The following ATE1 variants were observed in gnomAD, a reference collection of about 807,000 sequenced individuals.
The protein encoded by ATE1 is arginyl-tRNA--protein transferase 1.
In ATE1, 36 loss-of-function variants were observed where a neutral mutation model predicts 70.5. The observed-to-expected ratio is 0.51, with a 90% CI of 0.39 to 0.67. The LOEUF is 0.67. Ranked by LOEUF, ATE1 falls within the 30% of genes least tolerant of loss-of-function variation. The probability of loss-of-function intolerance (pLI) is 0.00; values close to 1 mark genes in which losing one functional copy is unlikely to be tolerated. For missense variants in ATE1, 593 were observed against 629.5 expected (o/e 0.94, Z 0.62); for synonymous variants, 232 against 219.3 (o/e 1.06, Z -0.51).
chr10:121,844,069 A>C (rs1374713448), intron 8 of ATE1, among the ~76,000 whole-genome samples: 1 of 152,240 alleles, frequency 6.6e-6, no homozygotes, highest in Non-Finnish European at 1.5e-5. Flanking sequence ...AAAGACTTTC[A>C]AAATTCAACA....
At chr10:121,894,001 G>T (rs1476410159) in intron 7 of ATE1, among the ~76,000 whole-genome samples, 1 of 152,114 alleles carries the variant, frequency 6.6e-6, no homozygotes, top group African/African-American at 2.4e-5. Context: ...GCCGGGCGTG[G>T]TGGCACACGC....
intron 5 of ATE1, among the ~76,000 whole-genome samples, chr10:121,906,021 A>G (rs1323917361): frequency 6.6e-6 from 1 of 152,208 alleles, no homozygotes; most frequent in Admixed American, 6.5e-5. Flanking sequence ...GTCCCAGGTG[A>G]TTTAAATAGA....
At chr10:121,755,155 G>A (rs1462870041) in intron 11 of ATE1, among the ~76,000 whole-genome samples, 2 of 152,220 alleles carry the variant, frequency 1.3e-5, no homozygotes, top group African/African-American at 2.4e-5. Context: ...GCTTGTGTAT[G>A]TGTGTATGCA....
chr10:121,840,149 T>C (rs1948576331), intron 9 of ATE1, among the ~76,000 whole-genome samples: 1 of 152,162 alleles, frequency 6.6e-6, no homozygotes, highest in Admixed American at 6.5e-5. Flanking sequence ...CCATTAAAAA[T>C]GTTTTGTGCT....
In ATE1 at chr10:121,884,866, T is replaced by A. The variant is rs553710668; in HGVS notation, c.943-14828A>T. ...CAGACTACAATACACAAGTGTTCCC[T>A]GACTTAGGAGTTGCTTAAAGAAACT... On this transcript the variant is annotated intron_variant, in intron 7 of 11. Coordinates refer to ENST00000224652, the MANE Select transcript of ATE1 (RefSeq NM_001001976.3). 1.8e-4 allele frequency among the ~76,000 whole-genome samples: 28 copies of A among 152,344 alleles called. No homozygotes were observed. In the South Asian group the frequency reaches 3.7e-3, roughly 20 times the overall value.
At chr10:121,829,695 C>T (rs1364297436) in intron 10 of ATE1, among the ~76,000 whole-genome samples, 1 of 147,700 alleles carries the variant, frequency 6.8e-6, no homozygotes, top group Non-Finnish European at 1.5e-5. Context: ...GGCGACAGAG[C>T]GAGACTCTGT....
chr10:121,846,252 G>A (rs1314455566), intron 8 of ATE1, among the ~76,000 whole-genome samples: 2 of 151,984 alleles, frequency 1.3e-5, no homozygotes, highest in Non-Finnish European at 2.9e-5. Flanking sequence ...AAATAAAACA[G>A]TACTGACTTT....
upstream of ATE1, chr10:121,928,137 G>A: frequency 1.6e-6 from 2 of 1,249,360 alleles, no homozygotes; most frequent in Non-Finnish European, 2.0e-6. Context: ...TTGACCGAGG[G>A]CAGCTTTCCA....
rs370888545 is a variant in ATE1 at position 121,774,609 on chromosome 10, C to G, written c.1378+15560G>C. Among the ~76,000 whole-genome samples, 19 of 152,248 alleles carry G rather than the reference C, an allele frequency of 1.2e-4. No individual in the cohort carries two copies. The South Asian group carries it at 2.5e-3, about 20-fold the overall frequency. On this transcript the variant is annotated intron_variant, in intron 11 of 11. Transcript: ENST00000224652. Reference sequence around the variant, plus strand: ...TATTATTACAGAGCTTTACAGAGCACGTTCATTACATTCTTTCTTAAGCAA... The same window carrying G: ...TATTATTACAGAGCTTTACAGAGCAGGTTCATTACATTCTTTCTTAAGCAA...
At chr10:121,828,395 T>C (rs1948108860) in intron 10 of ATE1, among the ~76,000 whole-genome samples, 1 of 152,330 alleles carries the variant, frequency 6.6e-6, no homozygotes, top group African/African-American at 2.4e-5. Context: ...AGAACTCAGC[T>C]AGGTGGGTTT....
intron 11 of ATE1, among the ~76,000 whole-genome samples, chr10:121,754,646 A>G (rs1944719325): frequency 1.3e-5 from 2 of 152,220 alleles, no homozygotes; most frequent in South Asian, 4.1e-4. Flanking sequence ...GTAATAAGTG[A>G]TTGAGGCAAG....
rs546575047 is a variant in ATE1, at chr10:121,856,214, T to C, written c.975+13792A>G. Among the ~76,000 whole-genome samples the C allele has an allele frequency of 2.0e-5, 3 of 152,020 alleles. No homozygotes were observed. In the South Asian group the frequency reaches 6.2e-4, roughly 32 times the overall value. ...AATTATTAGTATTAAGTATAATACA[T>C]GAGTGGATTTTTAAAAATAATACAG... On this transcript the variant is annotated intron_variant, in intron 8 of 11. Coordinates refer to ENST00000224652, the MANE Select transcript of ATE1 (RefSeq NM_001001976.3).
intron 8 of ATE1, among the ~76,000 whole-genome samples, chr10:121,863,168 A>T (rs1441175903): frequency 6.6e-6 from 1 of 152,040 alleles, no homozygotes; most frequent in Non-Finnish European, 1.5e-5. Flanking sequence ...ATCGCATTTC[A>T]AATTACTGCA....
intron 7 of ATE1, among the ~76,000 whole-genome samples, chr10:121,899,585 G>C (rs1283885155): frequency 6.6e-6 from 1 of 152,000 alleles, no homozygotes. Flanking sequence ...TTAATTTAGA[G>C]CTCTATTACT....
chr10:121,853,773 A>G (rs1387271515), intron 8 of ATE1, among the ~76,000 whole-genome samples: 1 of 152,182 alleles, frequency 6.6e-6, no homozygotes, highest in Non-Finnish European at 1.5e-5. Context: ...GGCATTTTAT[A>G]AAGAATAGAA....
Position 121,743,681 on chromosome 10 carries a change from C to A in ATE1, c.1556G>T (p.Ter519LeuextTer13). Reference sequence around the variant, plus strand: ...AACTTCCCGGCAGAGGTGAACAGGTCAGTTTCTGAACAGCAGCATCCGCTC... The same window carrying A: ...AACTTCCCGGCAGAGGTGAACAGGTAAGTTTCTGAACAGCAGCATCCGCTC... ...CSERMLLFRN[*>L] Residue 519 changes from the stop codon to leucine (L), a stop_lost, in exon 12 of 12, where the codon TGA becomes TTA. Transcript: ENST00000224652. 6.2e-7 allele frequency: 1 copy of A among 1,606,152 alleles called. No homozygotes were observed. Among genetic ancestry groups the A allele is most frequent in the South Asian group, 1.1e-5 (1 of 89,668 alleles).
chr10:121,925,898 A>G (rs1952069268), intron 1 of ATE1, among the ~76,000 whole-genome samples: 1 of 151,930 alleles, frequency 6.6e-6, no homozygotes, highest in East Asian at 1.9e-4. Context: ...AAAAAAAAAA[A>G]AAAAATTAAA....
At chr10:121,896,531 G>A (rs200164941) in intron 7 of ATE1, among the ~76,000 whole-genome samples, 8 of 151,182 alleles carry the variant, frequency 5.3e-5, no homozygotes, top group East Asian at 2.0e-4. Context: ...TCCCTTGGTC[G>A]GGCACAGTAG....
At chr10:121,898,534 T>A (rs1316173175) in intron 7 of ATE1, among the ~76,000 whole-genome samples, 1 of 152,198 alleles carries the variant, frequency 6.6e-6, no homozygotes, top group African/African-American at 2.4e-5. Context: ...GAGACTCCTT[T>A]TGTTCTGTGG....
Sources: allele counts gnomAD v4.1 joint callset (sites outside exome capture counted in the v4.1 genomes callset), GRCh38; gene constraint gnomAD v4.1.1; transcripts MANE v1.5; gene names NCBI Gene and HGNC (gene_info 2026-07-23, HGNC 2026-07-21).